The following IRS1 variants were observed in gnomAD, a reference collection of about 807,000 sequenced individuals.
IRS1 encodes the protein insulin receptor substrate 1.
IRS1 carries 34 observed loss-of-function variants against 65.6 expected under a neutral mutation model. The observed-to-expected ratio is 0.52, with a 90% confidence interval of 0.39 to 0.69. IRS1 has a LOEUF of 0.69. Among genes scored for constraint, IRS1 ranks in the 30% least tolerant of loss-of-function variants. The pLI, the probability that IRS1 is intolerant of heterozygous loss-of-function variation, is 0.00. For synonymous variants in IRS1, 699 were observed against 683.5 expected, an observed-to-expected ratio of 1.02 and a Z score of -0.35; for missense variants, 1,641 against 1,720.2, an observed-to-expected ratio of 0.95 and a Z score of 0.81.
intron 1 of IRS1, among the ~76,000 whole-genome samples, chr2:226,750,525 A>G (rs935318045): frequency 2.6e-5 from 4 of 152,232 alleles, no homozygotes; most frequent in African/African-American, 9.6e-5. Flanking sequence ...ACAGCAGTAA[A>G]AAAGACCCAA....
intron 1 of IRS1, among the ~76,000 whole-genome samples, chr2:226,776,191 C>T (rs540105576): frequency 2.6e-5 from 4 of 152,146 alleles, no homozygotes; most frequent in South Asian, 2.1e-4. Context: ...GGGACACAGG[C>T]GCCAACTGAA....
At chr2:226,757,933 G>T (rs1011330975) in intron 1 of IRS1, among the ~76,000 whole-genome samples, 1 of 152,174 alleles carries the variant, frequency 6.6e-6, no homozygotes, top group Non-Finnish European at 1.5e-5. Flanking sequence ...TATCACATTT[G>T]TGTTTTTAGC....
At chr2:226,765,260 G>GA (rs1371898681) in intron 1 of IRS1, among the ~76,000 whole-genome samples, 3 of 152,068 alleles carry the variant, frequency 2.0e-5, no homozygotes, top group East Asian at 1.9e-4. Context: ...TCTTTTCTTA[G>GA]AAAAAATCTG....
chr2:226,761,991 A>T (rs1938924922), intron 1 of IRS1, among the ~76,000 whole-genome samples: 1 of 152,218 alleles, frequency 6.6e-6, no homozygotes, highest in African/African-American at 2.4e-5. Context: ...TCCAAAAAGC[A>T]AGTCAGAAAG....
intron 1 of IRS1, among the ~76,000 whole-genome samples, chr2:226,768,374 C>A (rs1307696136): frequency 6.6e-6 from 1 of 152,120 alleles, no homozygotes; most frequent in Admixed American, 6.5e-5. Flanking sequence ...AGGCACATAG[C>A]AAATCTCAAC....
chr2:226,770,709 G>A (rs1939146273), intron 1 of IRS1, among the ~76,000 whole-genome samples: 1 of 152,158 alleles, frequency 6.6e-6, no homozygotes, highest in African/African-American at 2.4e-5. Context: ...TATAGCATGG[G>A]AGAAAACATT....
intron 1 of IRS1, among the ~76,000 whole-genome samples, chr2:226,743,076 C>T (rs1938470857): frequency 1.3e-5 from 2 of 151,360 alleles, no homozygotes; most frequent in Non-Finnish European, 2.9e-5. Flanking sequence ...CCCTCAATTG[C>T]AAATCAAAAT....
chr2:226,751,680 C>T (rs1938686602), intron 1 of IRS1, among the ~76,000 whole-genome samples: 1 of 152,088 alleles, frequency 6.6e-6, no homozygotes, highest in African/African-American at 2.4e-5. Context: ...GGGATCGAAG[C>T]TGTGACCCAG....
intron 1 of IRS1, among the ~76,000 whole-genome samples, chr2:226,771,926 TG>T (rs1242642999): frequency 2.6e-5 from 4 of 152,222 alleles, no homozygotes; most frequent in Admixed American, 1.3e-4. Context: ...ACTTACAGCT[TG>T]TAACATAATT....
At chr2:226,762,381 A>T (rs1380404673) in intron 1 of IRS1, among the ~76,000 whole-genome samples, 1 of 151,378 alleles carries the variant, frequency 6.6e-6, no homozygotes, top group African/African-American at 2.4e-5. Context: ...AAAGAGAGAG[A>T]GCAAATCTTT....
intron 1 of IRS1, among the ~76,000 whole-genome samples, chr2:226,756,299 A>G (rs1938799670): frequency 6.6e-6 from 1 of 152,200 alleles, no homozygotes; most frequent in African/African-American, 2.4e-5. Context: ...TCACTGAATC[A>G]AAACATATAT....
At position 226,744,641 on chromosome 2, in the gene IRS1, C is replaced by T. The variant is rs148845265; in HGVS notation, c.*22-8391G>A. ...ATTAGATTCTCACAGGAGTGTGAAC[C>T]CTATCATGAACCGTGTATGCAAGGG... On this transcript the variant is annotated intron_variant, in intron 1 of 1. Coordinates refer to ENST00000305123, the MANE Select transcript of IRS1 (RefSeq NM_005544.3). Among the ~76,000 whole-genome samples the T allele has an allele frequency of 3.3e-5, 5 of 152,246 alleles. No individual in the cohort carries two copies. In the East Asian group the frequency reaches 9.7e-4, roughly 29 times the overall value.
At chr2:226,750,126 G>A (rs1431391529) in intron 1 of IRS1, among the ~76,000 whole-genome samples, 1 of 151,818 alleles carries the variant, frequency 6.6e-6, no homozygotes, top group African/African-American at 2.4e-5. Context: ...GTACATGCCT[G>A]TAATCCAAGC....
chr2:226,790,203 C>T (rs1423253921), intron 1 of IRS1, among the ~76,000 whole-genome samples: 2 of 152,188 alleles, frequency 1.3e-5, no homozygotes, highest in Non-Finnish European at 2.9e-5. Context: ...AATTAAGTGA[C>T]TTGCCCAAGG....
chr2:226,750,249 C>CAAAAAAA (rs75785691), intron 1 of IRS1, among the ~76,000 whole-genome samples: 4 of 59,986 alleles, frequency 6.7e-5, no homozygotes, highest in African/African-American at 1.5e-4. Flanking sequence ...AACTCTGTCT[C>CAAAAAAA]AAAAAAAAAA....
Position 226,766,159 on chromosome 2 carries a change from A to ATTTTTTT in IRS1, c.*21+28829_*21+28830insAAAAAAA, listed in dbSNP as rs1433312154. 5.0e-3 allele frequency among the ~76,000 whole-genome samples: 29 copies of ATTTTTTT among 5,748 alleles called. 1 individual carries two copies. Among genetic ancestry groups the ATTTTTTT allele is most frequent in the Admixed American group, 8.8e-3 (2 of 228 alleles). 3.8% of individuals were successfully genotyped at this position (5,748 alleles called of 152,430 possible). A position where few individuals can be genotyped will look rare whatever the true frequency, so the allele number is the denominator to read the frequency against. On this transcript the variant is annotated intron_variant, in intron 1 of 1. Transcript: ENST00000305123. ...TATATATATATATATATATATATAT[A>ATTTTTTT]TATATTTTTTTTTTTTTTTTTTGAG...
At chr2:226,768,546 T>C (rs568757524) in intron 1 of IRS1, among the ~76,000 whole-genome samples, 61 of 152,346 alleles carry the variant, frequency 4.0e-4, no homozygotes, top group Non-Finnish European at 5.4e-4. Context: ...TTTGAATGTT[T>C]GTGTGCTAAA....
intron 1 of IRS1, among the ~76,000 whole-genome samples, chr2:226,742,722 A>C (rs888788642): frequency 2.0e-5 from 3 of 151,922 alleles, no homozygotes; most frequent in Non-Finnish European, 4.4e-5. Flanking sequence ...TGAAAAAAAA[A>C]AAAAAGAAGA....
chr2:226,750,015 C>T (rs942291061), intron 1 of IRS1, among the ~76,000 whole-genome samples: 3 of 151,898 alleles, frequency 2.0e-5, no homozygotes, highest in African/African-American at 4.8e-5. Context: ...TTTGGGAGGC[C>T]GAGGCGGGTG....
Sources: gnomAD v4.1 joint callset for allele counts (sites outside exome capture counted in the v4.1 genomes callset) on GRCh38, gnomAD v4.1.1 for gene constraint, MANE v1.5 for transcripts, NCBI Gene and HGNC (gene_info 2026-07-23, HGNC 2026-07-21) for gene names.